The following RGS6 variants were observed in gnomAD, a reference collection of about 807,000 sequenced individuals.
RGS6 encodes the protein regulator of G protein signaling 6, also known as regulator of G-protein signaling 6.
RGS6 carries 30 observed loss-of-function variants against 78.5 expected under a neutral mutation model. The ratio of observed to expected loss-of-function variants is 0.38; its 90% CI spans 0.29 to 0.52. The LOEUF is 0.52. Among genes scored for constraint, RGS6 ranks in the 20% least tolerant of loss-of-function variants. RGS6 has a pLI of 0.85. For missense variants in RGS6, 495 were observed against 609.7 expected (o/e 0.81, Z 1.98); for synonymous variants, 206 against 206.0 (o/e 1.00, Z 0.00).
intron 3 of RGS6, among the ~76,000 whole-genome samples, chr14:72,401,503 A>C (rs1336684319): frequency 6.6e-6 from 1 of 151,930 alleles, no homozygotes; most frequent in African/African-American, 2.4e-5. Context: ...TATGTGTGAG[A>C]TGTTGCCCGA....
At chr14:72,624,744 TTGTC>T in the RGS6 span, among the ~76,000 whole-genome samples, 2,762 of 152,324 alleles carry the variant, frequency 0.018, 88 homozygotes, top group African/African-American at 0.062. Flanking sequence ...CTCAGTTTCT[TTGTC>T]TTTCATGAGC....
chr14:72,270,585 G>A (rs116531047), intron 2 of RGS6, among the ~76,000 whole-genome samples: 518 of 152,334 alleles, frequency 3.4e-3, no homozygotes, highest in African/African-American at 0.012. Flanking sequence ...CTTGTGCCAG[G>A]CTTTCAGAGA....
intron 2 of RGS6, among the ~76,000 whole-genome samples, chr14:72,210,854 A>T (rs993392513): frequency 3.9e-5 from 6 of 151,962 alleles, no homozygotes; most frequent in Non-Finnish European, 7.4e-5. Context: ...TCATATAAAG[A>T]GACAGCTTCC....
At chr14:72,279,301 A>G (rs1285325359) in intron 2 of RGS6, among the ~76,000 whole-genome samples, 1 of 151,980 alleles carries the variant, frequency 6.6e-6, no homozygotes, top group African/African-American at 2.4e-5. Flanking sequence ...CATGGAGCTA[A>G]TTGTAGGACA....
intron 2 of RGS6, among the ~76,000 whole-genome samples, chr14:72,334,385 G>A (rs1169203644): frequency 6.6e-6 from 1 of 152,226 alleles, no homozygotes; most frequent in African/African-American, 2.4e-5. Flanking sequence ...TGGCAGGGCA[G>A]GGGGTGGGGA....
At chr14:72,421,495 C>G (rs1310521573) in intron 3 of RGS6, 1 of 152,202 alleles carries the variant, frequency 6.6e-6, no homozygotes, top group African/African-American at 2.4e-5. Flanking sequence ...GGGACTGCCT[C>G]CCCACCCCAG....
intron 6 of RGS6, 128 bp from the exon 7 acceptor site, chr14:72,465,630 A>G (rs556656572): frequency 6.7e-5 from 40 of 596,686 alleles, no homozygotes; most frequent in African/African-American, 4.6e-4. Context: ...GGGTGGATGG[A>G]TGGATGGATG....
the RGS6 span, among the ~76,000 whole-genome samples, chr14:72,577,218 C>T: frequency 6.6e-6 from 1 of 152,100 alleles, no homozygotes; most frequent in Non-Finnish European, 1.5e-5. Flanking sequence ...TTTCTCTTGC[C>T]CAGAATTCTC....
intron 2 of RGS6, among the ~76,000 whole-genome samples, chr14:71,973,395 A>G (rs2153084195): frequency 6.6e-6 from 1 of 152,004 alleles, no homozygotes; most frequent in East Asian, 1.9e-4. Context: ...ACATTAAATA[A>G]AATTCCTGGC....
chr14:72,039,082 G>A (rs1249996070), intron 2 of RGS6, among the ~76,000 whole-genome samples: 1 of 152,100 alleles, frequency 6.6e-6, no homozygotes, highest in African/African-American at 2.4e-5. Flanking sequence ...GTCTCTTTTT[G>A]TAGCAAATCT....
At chr14:72,352,293 T>TA (rs2079254344) in intron 3 of RGS6, 99 bp downstream of exon 3, 1 of 766,712 alleles carries the variant, frequency 1.3e-6, no homozygotes, top group South Asian at 1.9e-5. Flanking sequence ...CTGTGAATAG[T>TA]AAAAATGAAA....
rs536550697 is a variant in RGS6, at chr14:72,346,041, T to G, written c.85-6054T>G. Among the ~76,000 whole-genome samples, 5 of 152,256 alleles carry G rather than the reference T, an allele frequency of 3.3e-5. No homozygotes were observed. The East Asian group carries it at 9.7e-4, about 29-fold the overall frequency. On this transcript the variant is annotated intron_variant, in intron 2 of 17. Transcript: ENST00000553525. ...GCAGACACCAAAACAGAAGGGGTCT[T>G]TGCTGAAAGGTAGACTCTGACGTGA...
intron 2 of RGS6, among the ~76,000 whole-genome samples, chr14:72,067,237 C>T (rs942327453): frequency 1.2e-4 from 18 of 152,128 alleles, no homozygotes; most frequent in African/African-American, 4.3e-4. Flanking sequence ...TGCATGTTCT[C>T]ATTCATAAGT....
intron 3 of RGS6, among the ~76,000 whole-genome samples, chr14:72,388,320 T>C (rs78113581): frequency 6.6e-6 from 1 of 152,318 alleles, no homozygotes; most frequent in African/African-American, 2.4e-5. Context: ...GCAGAGATCA[T>C]CTGTGACCCA....
intron 2 of RGS6, among the ~76,000 whole-genome samples, chr14:72,138,229 T>C (rs1057288044): frequency 7.2e-5 from 11 of 152,124 alleles, no homozygotes; most frequent in Non-Finnish European, 1.2e-4. Flanking sequence ...CAATATAAGC[T>C]ACATCACCTG....
chr14:72,146,339 C>T (rs548738886), intron 2 of RGS6, among the ~76,000 whole-genome samples: 1 of 152,158 alleles, frequency 6.6e-6, no homozygotes, highest in Non-Finnish European at 1.5e-5. Context: ...AGCATTCTGC[C>T]TCTGGTATTC....
At chr14:72,122,695 T>A (rs575138548) in intron 2 of RGS6, among the ~76,000 whole-genome samples, 1 of 151,926 alleles carries the variant, frequency 6.6e-6, no homozygotes, top group Non-Finnish European at 1.5e-5. Flanking sequence ...TCACCTCCTC[T>A]GTTCTGAATC....
intron 3 of RGS6, among the ~76,000 whole-genome samples, chr14:72,411,465 A>G (rs891571247): frequency 9.2e-5 from 14 of 152,066 alleles, no homozygotes; most frequent in African/African-American, 2.4e-4. Context: ...GGAGATTTGG[A>G]GCTGAGATGA....
At chr14:71,915,240 G>A in the RGS6 span, among the ~76,000 whole-genome samples, 2 of 151,726 alleles carry the variant, frequency 1.3e-5, no homozygotes, top group African/African-American at 4.8e-5. Flanking sequence ...CTGGGCGACA[G>A]AGTGAGACTC....
Sources: allele counts gnomAD v4.1 joint callset (sites outside exome capture counted in the v4.1 genomes callset), GRCh38; gene constraint gnomAD v4.1.1; transcripts MANE v1.5; gene names NCBI Gene and HGNC (gene_info 2026-07-23, HGNC 2026-07-21).